Variants in MTMR3 observed in about 807,000 individuals in gnomAD.
The protein encoded by MTMR3 is myotubularin related protein 3.
MTMR3 carries 32 observed loss-of-function variants against 132.4 expected under a neutral mutation model. That is an observed-to-expected ratio of 0.24 (90% CI 0.18 to 0.32). The LOEUF (loss-of-function observed/expected upper bound fraction) is 0.32, where lower values mean the gene tolerates loss of function less well. MTMR3 is among the 10% of genes least tolerant of loss of function. The pLI, the probability that MTMR3 is intolerant of heterozygous loss-of-function variation, is 1.00. For missense variants in MTMR3, 1,216 were observed against 1,489.6 expected, an observed-to-expected ratio of 0.82 and a Z score of 3.02; for synonymous variants, 556 against 550.3, an observed-to-expected ratio of 1.01 and a Z score of -0.14.
intron 1 of MTMR3, among the ~76,000 whole-genome samples, chr22:29,890,242 C>T (rs574715067): frequency 1.1e-4 from 16 of 151,326 alleles, no homozygotes; most frequent in African/African-American, 3.6e-4. Context: ...ATTACCTGGG[C>T]GTGGTGGCTC....
chr22:30,019,776 C>T lies in MTMR3; in HGVS notation c.2117C>T (p.Pro706Leu), dbSNP rs1031491734. Residue 706 changes from proline to leucine, a missense_variant, in exon 17 of 20, where the codon CCT (proline) becomes CTT (leucine). Physicochemically the swap from Pro to Leu is moderately conservative, Grantham distance 98. Transcript: ENST00000401950. ...ATKEESGVEE[P>L]AHRAGIEIQE... is the part of the protein sequence containing the mutation. The stretch of plus-strand genomic sequence containing the variant: ...AAAGAGGAGAGTGGAGTAGAGGAAC[C>T]TGCCCACAGGGCAGGCATTGAGATA... 8.1e-6 allele frequency: 13 copies of T among 1,614,086 alleles called. No homozygotes were observed. The highest frequency in any genetic ancestry group is 1.7e-5 in the Admixed American group (1 of 60,010).
chr22:29,973,817 T>C (rs2066581894), intron 3 of MTMR3, among the ~76,000 whole-genome samples: 1 of 152,124 alleles, frequency 6.6e-6, no homozygotes, highest in African/African-American at 2.4e-5. Context: ...CAGGCTGGTC[T>C]CGAACTCCTG....
chr22:29,911,330 G>C (rs2065208129), intron 1 of MTMR3, among the ~76,000 whole-genome samples: 1 of 152,084 alleles, frequency 6.6e-6, no homozygotes, highest in African/African-American at 2.4e-5. Flanking sequence ...GATTGCTTGA[G>C]CCCAGGAGTT....
chr22:29,947,417 T>C (rs999827924), intron 1 of MTMR3, among the ~76,000 whole-genome samples: 1 of 151,906 alleles, frequency 6.6e-6, no homozygotes, highest in South Asian at 2.1e-4. Flanking sequence ...TACTCCATAA[T>C]GTATGAGGAT....
intron 1 of MTMR3, among the ~76,000 whole-genome samples, chr22:29,905,214 C>T (rs1010311531): frequency 6.6e-6 from 1 of 152,112 alleles, no homozygotes; most frequent in Non-Finnish European, 1.5e-5. Context: ...ATACTTAAGT[C>T]CCCCAGATGC....
At chr22:29,970,633 C>G (rs2066515010) in intron 2 of MTMR3, among the ~76,000 whole-genome samples, 1 of 151,228 alleles carries the variant, frequency 6.6e-6, no homozygotes, top group African/African-American at 2.4e-5. Flanking sequence ...GCCACCTTGC[C>G]TGGCCTGTAG....
At chr22:30,018,096 G>A (rs1569052712) in intron 16 of MTMR3, 24 bp downstream of exon 16, 2 of 1,576,350 alleles carry the variant, frequency 1.3e-6, no homozygotes, top group Non-Finnish European at 1.7e-6. Flanking sequence ...GATGCCACAG[G>A]CCTGACAGCC....
intron 14 of MTMR3, chr22:30,014,520 T>TC (rs2067522856): frequency 6.9e-6 from 1 of 145,716 alleles, no homozygotes; most frequent in African/African-American, 2.6e-5. Context: ...TTTTTTTTTT[T>TC]TTTTTTCAGA....
At chr22:29,971,155 T>C (rs893625289) in intron 3 of MTMR3, 93 bp downstream of exon 3, 1 of 1,354,262 alleles carries the variant, frequency 7.4e-7, no homozygotes, top group Non-Finnish European at 1.0e-6. Context: ...TTACCCATTT[T>C]TGTTTTTGTA....
In MTMR3 at chr22:29,891,529, TGA is replaced by T. The variant is rs547542344; in HGVS notation, c.-138+8171_-138+8172del. On this transcript the variant is annotated intron_variant, in intron 1 of 19. Transcript: ENST00000401950. Reference sequence around the variant, plus strand: ...TCACTGCAACCTCTGCCTCCTGGGTTGAAGTGATTCTTGCGCCTCAGCCACTT... The same window carrying T: ...TCACTGCAACCTCTGCCTCCTGGGTTAGTGATTCTTGCGCCTCAGCCACTT... Among the ~76,000 whole-genome samples the T allele has an allele frequency of 4.5e-3, 681 of 152,168 alleles. 6 individuals are homozygous for T. Among genetic ancestry groups the T allele is most frequent in the African/African-American group, 0.015 (643 of 41,508 alleles).
intron 1 of MTMR3, among the ~76,000 whole-genome samples, chr22:29,928,500 C>CA (rs2065571861): frequency 6.6e-6 from 1 of 151,936 alleles, no homozygotes; most frequent in Non-Finnish European, 1.5e-5. Flanking sequence ...GCTTTCCCCC[C>CA]AGTGCCCTTA....
chr22:29,982,937 T>TTTTTTTTTTTTTTG (rs752531735), intron 5 of MTMR3: 10 of 146,388 alleles, frequency 6.8e-5, no homozygotes, highest in African/African-American at 2.3e-4. Flanking sequence ...AAAAGTTTGT[T>TTTTTTTTTTTTTTG]TGTGTGTGTG....
intron 5 of MTMR3, chr22:29,985,598 A>G (rs1569036634): frequency 6.6e-6 from 1 of 152,214 alleles, no homozygotes; most frequent in Admixed American, 6.5e-5. Context: ...ATTTGTTATA[A>G]AAATCAGGTG....
At chr22:29,889,145 G>C (rs770500511) in intron 1 of MTMR3, among the ~76,000 whole-genome samples, 2 of 152,026 alleles carry the variant, frequency 1.3e-5, no homozygotes, top group Admixed American at 6.6e-5. Context: ...TGTTTAGACT[G>C]ATTCCACAAA....
chr22:29,981,292 T>G (rs2066737896), intron 5 of MTMR3: 1 of 152,330 alleles, frequency 6.6e-6, no homozygotes, highest in East Asian at 1.9e-4. Flanking sequence ...CTTTTCCCCC[T>G]TTGGTGTTTA....
chr22:30,022,485 T>C, intron 18 of MTMR3, 124 bp from the exon 19 acceptor site: 1 of 795,072 alleles, frequency 1.3e-6, no homozygotes, highest in South Asian at 1.5e-5. Context: ...ACATCAGATC[T>C]GCTGGGCTGG....
Position 29,911,504 on chromosome 22 carries a change from C to A in MTMR3, c.-138+28145C>A, listed in dbSNP as rs575932628. 6.6e-5 allele frequency among the ~76,000 whole-genome samples: 10 copies of A among 152,002 alleles called. No individual in the cohort carries two copies. The East Asian group carries it at 1.9e-3, about 29-fold the overall frequency. ...GTTGCAGTGAGCCATGATCACGATA[C>A]TGCAGTCCAGCCTGGGTGACAGAGT... On this transcript the variant is annotated intron_variant, in intron 1 of 19. Coordinates refer to ENST00000401950, the MANE Select transcript of MTMR3 (RefSeq NM_021090.4).
chr22:29,884,667 A>G (rs557365829), intron 1 of MTMR3, among the ~76,000 whole-genome samples: 94 of 147,642 alleles, frequency 6.4e-4, no homozygotes, highest in African/African-American at 2.3e-3. Flanking sequence ...GGTTCTAGCA[A>G]TCCTCCCACC....
intron 5 of MTMR3, chr22:29,981,057 C>T (rs2066732598): frequency 6.6e-6 from 1 of 152,242 alleles, no homozygotes; most frequent in African/African-American, 2.4e-5. Flanking sequence ...ATAACTTCTC[C>T]TGTGAAGCCT....
Sources: gnomAD v4.1 joint callset for allele counts (sites outside exome capture counted in the v4.1 genomes callset) on GRCh38, gnomAD v4.1.1 for gene constraint, MANE v1.5 for transcripts, NCBI Gene and HGNC (gene_info 2026-07-23, HGNC 2026-07-21) for gene names.